The following SAMD3 variants were observed in gnomAD, a reference collection of about 807,000 sequenced individuals.
SAMD3 encodes the protein sterile alpha motif domain containing 3, also known as sterile alpha motif domain-containing protein 3.
SAMD3 carries 63 observed loss-of-function variants against 58.5 expected under a neutral mutation model. That is an observed-to-expected ratio of 1.08 (90% CI 0.88 to 1.33). The LOEUF is 1.33. SAMD3 is among the 40% of genes most tolerant of loss of function. The pLI, the probability that SAMD3 is intolerant of heterozygous loss-of-function variation, is 0.00. For synonymous variants in SAMD3, 220 were observed against 210.3 expected (o/e 1.05, Z -0.40); for missense variants, 604 against 608.4 (o/e 0.99, Z 0.08).
At chr6:130,248,299 C>A (rs766037547) in intron 2 of SAMD3, among the ~76,000 whole-genome samples, 1 of 151,912 alleles carries the variant, frequency 6.6e-6, no homozygotes, top group South Asian at 2.1e-4. Flanking sequence ...TTCAAACACA[C>A]AAATCACAGC....
intron 2 of SAMD3, among the ~76,000 whole-genome samples, chr6:130,284,432 A>G (rs541047516): frequency 5.2e-4 from 79 of 152,326 alleles, no homozygotes; most frequent in Non-Finnish European, 9.6e-4. Flanking sequence ...TTAATCTTAT[A>G]GAAGGCAGGA....
intron 2 of SAMD3, among the ~76,000 whole-genome samples, chr6:130,232,092 G>A (rs980548539): frequency 1.3e-5 from 2 of 152,208 alleles, no homozygotes; most frequent in East Asian, 1.9e-4. Context: ...TTCCTGGATC[G>A]ATAGTGACCC....
At chr6:130,218,714 G>A (rs75893354) in intron 1 of SAMD3, among the ~76,000 whole-genome samples, 4,195 of 152,222 alleles carry the variant, frequency 0.028, 71 homozygotes, top group Non-Finnish European at 0.037. Flanking sequence ...TCCTGGAAGC[G>A]AATGGATCTT....
intron 2 of SAMD3, among the ~76,000 whole-genome samples, chr6:130,290,433 G>T (rs1194925001): frequency 1.3e-5 from 2 of 152,170 alleles, no homozygotes; most frequent in Non-Finnish European, 2.9e-5. Flanking sequence ...CCCATGATAT[G>T]AGAGTAATCT....
chr6:130,230,398 TC>T (rs1225460151), intron 2 of SAMD3, among the ~76,000 whole-genome samples: 1 of 152,148 alleles, frequency 6.6e-6, no homozygotes, highest in Non-Finnish European at 1.5e-5. Context: ...TTCTTTTTTT[TC>T]TTTTTTTAGA....
At chr6:130,322,261 TGAGA>T (rs140576072) in intron 1 of SAMD3, among the ~76,000 whole-genome samples, 4 of 151,594 alleles carry the variant, frequency 2.6e-5, no homozygotes, top group Non-Finnish European at 4.4e-5. Context: ...AGCAGCAGGC[TGAGA>T]GAGAGAGAGA....
intron 2 of SAMD3, among the ~76,000 whole-genome samples, chr6:130,255,384 GATA>G (rs1399532214): frequency 1.3e-5 from 2 of 152,116 alleles, no homozygotes; most frequent in Admixed American, 6.6e-5. Flanking sequence ...GCTCATTGTT[GATA>G]ATAGGGTATT....
At chr6:130,309,086 G>A (rs1230116667) in intron 2 of SAMD3, among the ~76,000 whole-genome samples, 1 of 152,146 alleles carries the variant, frequency 6.6e-6, no homozygotes, top group Non-Finnish European at 1.5e-5. Context: ...TTTGACCCTA[G>A]TGAGAAGAGA....
At chr6:130,202,142 T>C (rs573322205) in intron 5 of SAMD3, among the ~76,000 whole-genome samples, 62 of 152,332 alleles carry the variant, frequency 4.1e-4, no homozygotes, top group African/African-American at 1.5e-3. Flanking sequence ...TGTCCACAGA[T>C]ATCTTCCCCT....
intron 2 of SAMD3, among the ~76,000 whole-genome samples, chr6:130,291,843 T>C (rs1775372350): frequency 1.3e-5 from 2 of 152,246 alleles, no homozygotes; most frequent in Admixed American, 1.3e-4. Context: ...CATTTAGTAA[T>C]TTCCCAATTT....
downstream of SAMD3, among the ~76,000 whole-genome samples, chr6:130,143,584 A>T (rs7773340): frequency 0.97 from 146,977 of 152,248 alleles, 71,152 homozygotes; most frequent in East Asian, 1. Flanking sequence ...ATTAATTTGA[A>T]CATGTAACCC....
Position 130,365,384 on chromosome 6 carries a change from C to T in SAMD3, c.-568G>A, listed in dbSNP as rs905773018. On this transcript the variant is annotated 5_prime_UTR_variant, in exon 1 of 14. Coordinates refer to the SAMD3 transcript ENST00000368134. ...CGTTCTCCGGAACCCCTTGCCGGGCCGGCGGGAAGCGTGGACGGAGCGGGC... is the reference window on the plus strand; with the variant it reads ...CGTTCTCCGGAACCCCTTGCCGGGCTGGCGGGAAGCGTGGACGGAGCGGGC... 5.1e-6 allele frequency: 5 copies of T among 985,416 alleles called. No homozygotes were observed. The South Asian group carries it at 1.4e-4, about 28-fold the overall frequency. 61.0% of individuals were successfully genotyped at this position (985,416 alleles called of 1,614,324 possible).
intron 1 of SAMD3, among the ~76,000 whole-genome samples, chr6:130,355,203 C>T (rs1262684651): frequency 6.6e-6 from 1 of 152,182 alleles, no homozygotes; most frequent in Non-Finnish European, 1.5e-5. Context: ...GCAGGTGGAT[C>T]ACCTGAGGCC....
intron 2 of SAMD3, among the ~76,000 whole-genome samples, chr6:130,234,401 T>A (rs575855955): frequency 6.6e-6 from 1 of 152,302 alleles, no homozygotes; most frequent in South Asian, 2.1e-4. Flanking sequence ...TTAAAGAAAC[T>A]TAATGTTTAA....
intron 1 of SAMD3, among the ~76,000 whole-genome samples, chr6:130,350,199 A>G (rs1428647882): frequency 6.6e-6 from 1 of 152,200 alleles, no homozygotes; most frequent in Non-Finnish European, 1.5e-5. Context: ...CCTATTCAAC[A>G]TAGTGTTAGA....
At position 130,182,808 on chromosome 6, in the gene SAMD3, T is replaced by C. The variant is rs372181757; in HGVS notation, c.654+1295A>G. ...CCTTAAGAAAGCACAGCAAAAAATA[T>C]CTTTTCACAGACATCTGAGACAGTA... is the stretch of plus-strand genomic sequence containing the variant. On this transcript the variant is annotated intron_variant, in intron 7 of 11. Transcript: ENST00000439090. Among the ~76,000 whole-genome samples the C allele has an allele frequency of 3.9e-4, 60 of 152,294 alleles. 1 individual carries two copies. Among genetic ancestry groups the C allele is most frequent in the South Asian group, 3.7e-3 (18 of 4,822 alleles).
intron 1 of SAMD3, among the ~76,000 whole-genome samples, chr6:130,321,188 G>A (rs554205031): frequency 1.3e-5 from 2 of 152,284 alleles, no homozygotes; most frequent in African/African-American, 2.4e-5. Context: ...CATCTTTCAT[G>A]CTCTGTACCA....
chr6:130,165,049 A>G (rs1185638035), intron 8 of SAMD3, among the ~76,000 whole-genome samples: 1 of 152,236 alleles, frequency 6.6e-6, no homozygotes, highest in African/African-American at 2.4e-5. Flanking sequence ...GGAGACTTCA[A>G]TACTTCACTT....
chr6:130,274,851 A>G (rs1774718781), intron 2 of SAMD3, among the ~76,000 whole-genome samples: 1 of 151,546 alleles, frequency 6.6e-6, no homozygotes, highest in Admixed American at 6.6e-5. Flanking sequence ...TTTGATTGCA[A>G]TGTCTCTTAA....
Sources: gnomAD v4.1 joint callset for allele counts (sites outside exome capture counted in the v4.1 genomes callset) on GRCh38, gnomAD v4.1.1 for gene constraint, MANE v1.5 for transcripts, NCBI Gene and HGNC (gene_info 2026-07-23, HGNC 2026-07-21) for gene names.